FKBP15: variants seen among roughly 807,000 people sequenced by gnomAD.
FKBP15 encodes FKBP prolyl isomerase family member 15, also known as FK506-binding protein 15.
In FKBP15, 106 loss-of-function variants were observed where a neutral mutation model predicts 158.1. The ratio of observed to expected loss-of-function variants is 0.67; its 90% CI spans 0.57 to 0.79. The LOEUF (loss-of-function observed/expected upper bound fraction) is 0.79. Ranked by LOEUF, FKBP15 falls within the 30% of genes least tolerant of loss-of-function variation. The pLI is 0.00. For synonymous variants in FKBP15, 547 were observed against 548.6 expected (o/e 1.00, Z 0.04); for missense variants, 1,287 against 1,479.1 (o/e 0.87, Z 2.13).
intron 27 of FKBP15, among the ~76,000 whole-genome samples, 182 bp downstream of exon 27, chr9:113,168,278 T>A (rs184308635): frequency 5.5e-4 from 84 of 152,178 alleles, no homozygotes; most frequent in African/African-American, 1.9e-3. Flanking sequence ...TATGTGACCG[T>A]CCCCTACTCT....
rs1830812638 is a variant in FKBP15 at position 113,202,530 on chromosome 9, C to T, written c.498+1G>A. ...TCACAGGGAGAGTAAGATGTTATCA[C>T]CTGCTTATTGAACTCCACAGCAGCC... On this transcript the variant is annotated splice_donor_variant, in intron 6 of 27. Coordinates refer to ENST00000238256, the MANE Select transcript of FKBP15 (RefSeq NM_015258.2). LOFTEE classifies it high-confidence loss of function. 4 of 1,569,410 alleles carry T rather than the reference C, an allele frequency of 2.5e-6. No homozygotes were observed. Among genetic ancestry groups the T allele is most frequent in the Admixed American group, 1.9e-5 (1 of 53,886 alleles).
At chr9:113,219,046 G>A (rs1474598501) in intron 1 of FKBP15, among the ~76,000 whole-genome samples, 1 of 152,216 alleles carries the variant, frequency 6.6e-6, no homozygotes, top group South Asian at 2.1e-4. Context: ...GTTTCTTAGG[G>A]GCAGAAACTG....
At chr9:113,206,170 ATATG>A (rs1830881942) in intron 4 of FKBP15, 1 of 255,328 alleles carries the variant, frequency 3.9e-6, no homozygotes, top group East Asian at 8.1e-5. Context: ...TTATATATAC[ATATG>A]TATGTGTATA....
rs559976321 is a variant in FKBP15 at position 113,210,215 on chromosome 9, T to C, written c.169+1262A>G. Among the ~76,000 whole-genome samples, 7 of 152,036 alleles carry C rather than the reference T, an allele frequency of 4.6e-5. 1 individual carries two copies. In the South Asian group the frequency reaches 1.5e-3, roughly 32 times the overall value. On this transcript the variant is annotated intron_variant, in intron 2 of 27. Transcript: ENST00000238256. Reference sequence around the variant, plus strand: ...CAGATCTTAGAGAAGCACTCACCACTGGGGGTGAGCTTAGCCAGACTGGTC... The same window carrying C: ...CAGATCTTAGAGAAGCACTCACCACCGGGGGTGAGCTTAGCCAGACTGGTC...
intron 8 of FKBP15, 109 bp from the exon 9 acceptor site, chr9:113,197,187 T>G (rs1830703859): frequency 2.2e-5 from 31 of 1,384,826 alleles, no homozygotes; most frequent in Non-Finnish European, 2.9e-5. Flanking sequence ...GTTTACTCAG[T>G]GCCTCCAGAG....
At chr9:113,192,639 T>C (rs1018746232) in intron 11 of FKBP15, among the ~76,000 whole-genome samples, 3 of 152,208 alleles carry the variant, frequency 2.0e-5, no homozygotes, top group Non-Finnish European at 4.4e-5. Context: ...TATAAAGATA[T>C]GTAATGTTAG....
At chr9:113,180,508 C>CAGTGGATGGGATGG (rs1830377707) in intron 19 of FKBP15, among the ~76,000 whole-genome samples, 1 of 26,534 alleles carries the variant, frequency 3.8e-5, no homozygotes, top group African/African-American at 8.4e-5. Context: ...AAAATCTACA[C>CAGTGGATGGGATGG]CCTGGTTCCT....
chr9:113,187,711 G>A, intron 14 of FKBP15, 82 bp downstream of exon 14: 1 of 1,142,872 alleles, frequency 8.7e-7, no homozygotes, highest in East Asian at 2.5e-5. Flanking sequence ...GCTACTGTAT[G>A]AAATGTACAG....
intron 9 of FKBP15, among the ~76,000 whole-genome samples, 172 bp downstream of exon 9, chr9:113,196,760 C>T (rs972409964): frequency 2.0e-5 from 3 of 152,136 alleles, no homozygotes; most frequent in African/African-American, 7.2e-5. Context: ...TACTTTGGTC[C>T]TTAGATTTCA....
rs747204103 is a variant in FKBP15 at position 113,161,808 on chromosome 9, G to A, written c.*4270C>T. The A allele has an allele frequency of 1.6e-6, 2 of 1,225,676 alleles. No homozygotes were observed. Among genetic ancestry groups the A allele is most frequent in the South Asian group, 2.5e-5 (2 of 80,732 alleles). 75.9% of individuals were successfully genotyped at this position (1,225,676 alleles called of 1,614,324 possible). ...TCACAGAGAGGACAGCGAGGCCCAG[G>A]GAAGGACCAGGACTTGCCAAAGTGG... On this transcript the variant is annotated 3_prime_UTR_variant, in exon 28 of 28. Coordinates refer to ENST00000238256, the MANE Select transcript of FKBP15 (RefSeq NM_015258.2).
chr9:113,221,170 G>A (rs770123608), intron 1 of FKBP15, 21 bp downstream of exon 1: 20 of 1,598,086 alleles, frequency 1.3e-5, no homozygotes, highest in African/African-American at 2.7e-5. Context: ...GCCCTCCAGC[G>A]CATACTTCTC....
intron 19 of FKBP15, among the ~76,000 whole-genome samples, chr9:113,179,093 C>A (rs536495416): frequency 5.1e-4 from 78 of 151,788 alleles, no homozygotes; most frequent in African/African-American, 1.8e-3. Context: ...TGCAATGACA[C>A]GACATAGCTC....
rs1046819350 is a variant in FKBP15 at position 113,162,470 on chromosome 9, A to C, written c.*3608T>G. On this transcript the variant is annotated 3_prime_UTR_variant, in exon 28 of 28. Transcript: ENST00000238256. ...ATGATTTTCTCTTATTCCTTATCAG[A>C]AAGACAGATTATAGATACCCTCATT... The C allele has an allele frequency of 1.0e-5, 3 of 300,870 alleles. No individual in the cohort carries two copies. The highest frequency in any genetic ancestry group is 6.6e-5 in the African/African-American group (3 of 45,218). 18.6% of individuals were successfully genotyped at this position (300,870 alleles called of 1,614,324 possible).
At chr9:113,206,880 C>T (rs1354352755) in intron 3 of FKBP15, 2 of 433,468 alleles carry the variant, frequency 4.6e-6, no homozygotes, top group Non-Finnish European at 8.2e-6. Context: ...CCGCACCCGG[C>T]CCAGCAGTTT....
intron 1 of FKBP15, among the ~76,000 whole-genome samples, chr9:113,213,126 C>T (rs781781780): frequency 1.1e-4 from 17 of 152,020 alleles, no homozygotes; most frequent in Non-Finnish European, 1.6e-4. Flanking sequence ...GTGCACAGGT[C>T]GGCTGGGCAC....
intron 1 of FKBP15, 119 bp from the exon 2 acceptor site, chr9:113,211,711 A>G (rs2118950858): frequency 1.8e-6 from 1 of 567,200 alleles, no homozygotes; most frequent in Non-Finnish European, 3.0e-6. Flanking sequence ...CCACCATTCA[A>G]TACTAGAAAC....
intron 4 of FKBP15, among the ~76,000 whole-genome samples, chr9:113,204,062 C>T (rs73550292): frequency 1.1e-4 from 17 of 151,442 alleles, no homozygotes; most frequent in African/African-American, 3.9e-4. Flanking sequence ...ATGAATGATA[C>T]TTCTATGAAC....
At position 113,173,469 on chromosome 9, in the gene FKBP15, A is replaced by G. The variant is rs1263146138; in HGVS notation, c.2516T>C (p.Val839Ala). 6.2e-7 allele frequency: 1 copy of G among 1,613,412 alleles called. No homozygotes were observed. Residue 839 changes from valine (V) to alanine (A), a missense_variant, in exon 23 of 28, where the codon GTA becomes GCA. By Grantham distance (64) the Val-to-Ala change is moderately conservative. Transcript: ENST00000238256. ...AQRDAYQQKL[V>A]QLQEKCLALQ... ...AATATGTACCTTTTCCTGAAGTTGT[A>G]CCAGCTTCTGCTGGTAGGCATCTCT...
At chr9:113,207,366 G>A in intron 2 of FKBP15, 70 bp from the exon 3 acceptor site, 1 of 1,009,704 alleles carries the variant, frequency 9.9e-7, no homozygotes, top group Admixed American at 2.3e-5. Context: ...TAAAGACGGA[G>A]TTTCACTTTG....
Sources: gnomAD v4.1 joint callset for allele counts (sites outside exome capture counted in the v4.1 genomes callset) on GRCh38, gnomAD v4.1.1 for gene constraint, MANE v1.5 for transcripts, NCBI Gene and HGNC (gene_info 2026-07-23, HGNC 2026-07-21) for gene names.